ROR1: variants seen among roughly 807,000 people sequenced by gnomAD.
ROR1 encodes ROR family WNT receptor 1, also known as inactive tyrosine-protein kinase transmembrane receptor ROR1.
A neutral mutation model predicts 78.8 loss-of-function variants in ROR1; 19 were observed. The observed-to-expected ratio is 0.24, with a 90% CI of 0.17 to 0.35. The LOEUF (loss-of-function observed/expected upper bound fraction) is 0.35, where lower values mean the gene tolerates loss of function less well. Among genes scored for constraint, ROR1 ranks in the 10% least tolerant of loss-of-function variants. ROR1 has a pLI of 1.00. For missense variants in ROR1, 917 were observed against 1,177.8 expected (o/e 0.78, Z 3.24); for synonymous variants, 386 against 433.6 (o/e 0.89, Z 1.36).
chr1:64,039,812 C>A (rs1646732174), intron 2 of ROR1, among the ~76,000 whole-genome samples: 1 of 152,156 alleles, frequency 6.6e-6, no homozygotes. Flanking sequence ...TGTAAAAGTT[C>A]ATTACGTGGA....
At chr1:64,057,452 C>T (rs1197623452) in intron 4 of ROR1, among the ~76,000 whole-genome samples, 1 of 152,100 alleles carries the variant, frequency 6.6e-6, no homozygotes, top group African/African-American at 2.4e-5. Flanking sequence ...TGTATGTATA[C>T]ATATATAAAG....
intron 4 of ROR1, among the ~76,000 whole-genome samples, chr1:64,099,116 C>T (rs1242633693): frequency 6.6e-6 from 1 of 152,100 alleles, no homozygotes; most frequent in Non-Finnish European, 1.5e-5. Context: ...AGGAGTGAAC[C>T]TGTAATCTTA....
chr1:63,992,766 A>G (rs1646306335), intron 1 of ROR1, among the ~76,000 whole-genome samples: 2 of 152,222 alleles, frequency 1.3e-5, no homozygotes, highest in Admixed American at 6.5e-5. Flanking sequence ...GAAAATGTAT[A>G]AATGTGCTTT....
chr1:64,043,103 CTCTTTATATCTCAGTT>C (rs1444595913), intron 2 of ROR1, among the ~76,000 whole-genome samples: 1 of 152,232 alleles, frequency 6.6e-6, no homozygotes, highest in East Asian at 1.9e-4. Context: ...GACTGCTCAA[CTCTTTATATCTCAGTT>C]TCTCTCACCT....
intron 4 of ROR1, among the ~76,000 whole-genome samples, chr1:64,104,971 A>T: frequency 6.6e-6 from 1 of 152,218 alleles, no homozygotes; most frequent in Admixed American, 6.5e-5. Flanking sequence ...CTTTGGGCAT[A>T]TACCCAGTAA....
chr1:64,069,932 A>G (rs182470080), intron 4 of ROR1, among the ~76,000 whole-genome samples: 1 of 152,260 alleles, frequency 6.6e-6, no homozygotes. Flanking sequence ...GATCCTTACC[A>G]CTGTCTAGTT....
intron 2 of ROR1, among the ~76,000 whole-genome samples, chr1:64,010,817 T>C (rs987501019): frequency 3.3e-5 from 5 of 152,186 alleles, no homozygotes; most frequent in African/African-American, 1.2e-4. Context: ...GGCTTCCTCC[T>C]TCGCTGGGCA....
At chr1:64,110,065 C>T (rs1648024306) in intron 4 of ROR1, among the ~76,000 whole-genome samples, 1 of 152,166 alleles carries the variant, frequency 6.6e-6, no homozygotes, top group Non-Finnish European at 1.5e-5. Context: ...GTCCATATCA[C>T]ATAGCACTAT....
At position 64,160,480 on chromosome 1, in the gene ROR1, A is replaced by C. The variant is rs113276735; in HGVS notation, c.1386+1288A>C. Among the ~76,000 whole-genome samples, 86 of 152,204 alleles carry C rather than the reference A, an allele frequency of 5.7e-4. 1 individual carries two copies. Among genetic ancestry groups the C allele is most frequent in the Admixed American group, 2.6e-3 (40 of 15,286 alleles). ...ATCATTAAAAACAAGCAAACAACAA[A>C]AAAAAAACCCTACAAATCCTGAAGA... On this transcript the variant is annotated intron_variant, in intron 8 of 8. Coordinates refer to ENST00000371079, the MANE Select transcript of ROR1 (RefSeq NM_005012.4).
intron 1 of ROR1, among the ~76,000 whole-genome samples, chr1:63,867,598 G>A (rs1035264929): frequency 1.3e-5 from 2 of 152,184 alleles, no homozygotes; most frequent in African/African-American, 4.8e-5. Flanking sequence ...TTGTCAGTAG[G>A]CAGCAGGCCT....
chr1:64,138,788 A>T (rs951618706), intron 5 of ROR1, among the ~76,000 whole-genome samples: 1 of 152,138 alleles, frequency 6.6e-6, no homozygotes, highest in African/African-American at 2.4e-5. Flanking sequence ...TAAGACTGAC[A>T]GGGAGGAGCT....
chr1:63,936,276 T>C (rs1268045), intron 1 of ROR1, among the ~76,000 whole-genome samples: 100,649 of 152,120 alleles, frequency 0.66, 37,729 homozygotes, highest in East Asian at 0.94. Flanking sequence ...AATCTATTCG[T>C]TTTCTGCCTT....
chr1:64,001,821 G>A (rs1325670630), intron 1 of ROR1, among the ~76,000 whole-genome samples: 1 of 152,136 alleles, frequency 6.6e-6, no homozygotes, highest in Admixed American at 6.5e-5. Context: ...GCAGGCCCCA[G>A]TCCACAGGGC....
chr1:63,967,681 T>G (rs539123000), intron 1 of ROR1, among the ~76,000 whole-genome samples: 46 of 152,322 alleles, frequency 3.0e-4, no homozygotes, highest in African/African-American at 1.1e-3. Flanking sequence ...CAGTCCTAAT[T>G]CTGCCATGTA....
In ROR1 at chr1:64,162,918, G is replaced by A. The variant is rs975373138; in HGVS notation, c.1386+3726G>A. On this transcript the variant is annotated intron_variant, in intron 8 of 8. Transcript: ENST00000371079. ...ACATCCCCTGCCAGGTATGACTCTGGAAAACAGCATTCTGTAAGCTTGCTT... is the reference window on the plus strand; with the variant it reads ...ACATCCCCTGCCAGGTATGACTCTGAAAAACAGCATTCTGTAAGCTTGCTT... 1.6e-4 allele frequency among the ~76,000 whole-genome samples: 25 copies of A among 152,040 alleles called. 1 individual carries two copies. Among genetic ancestry groups the A allele is most frequent in the African/African-American group, 5.8e-4 (24 of 41,370 alleles).
intron 2 of ROR1, among the ~76,000 whole-genome samples, chr1:64,027,900 A>G (rs1422553024): frequency 1.3e-5 from 2 of 151,908 alleles, no homozygotes; most frequent in Non-Finnish European, 2.9e-5. Context: ...GTTGGCCAGG[A>G]TAGTCTTGAT....
intron 1 of ROR1, among the ~76,000 whole-genome samples, chr1:63,869,235 A>T (rs1238475082): frequency 2.6e-5 from 4 of 152,236 alleles, no homozygotes; most frequent in Non-Finnish European, 5.9e-5. Flanking sequence ...CAAGCCCTCG[A>T]CAATGATTAT....
chr1:64,074,987 A>G (rs1647037542), intron 4 of ROR1, among the ~76,000 whole-genome samples: 1 of 152,160 alleles, frequency 6.6e-6, no homozygotes, highest in Non-Finnish European at 1.5e-5. Flanking sequence ...TTGAGTGCTT[A>G]TTAGTGTTCC....
At chr1:63,909,626 T>C (rs1429044312) in intron 1 of ROR1, among the ~76,000 whole-genome samples, 1 of 152,176 alleles carries the variant, frequency 6.6e-6, no homozygotes, top group Non-Finnish European at 1.5e-5. Flanking sequence ...GCCTTTCAAG[T>C]GCGTGAAGTT....
Sources: allele counts gnomAD v4.1 joint callset (sites outside exome capture counted in the v4.1 genomes callset), GRCh38; gene constraint gnomAD v4.1.1; transcripts MANE v1.5; gene names NCBI Gene and HGNC (gene_info 2026-07-23, HGNC 2026-07-21).